DDR2: variants seen among roughly 807,000 people sequenced by gnomAD.
DDR2 encodes the protein discoidin domain-containing receptor 2.
In DDR2, 27 loss-of-function variants were observed where a neutral mutation model predicts 94.9. That is an observed-to-expected ratio of 0.28 (90% CI 0.21 to 0.39). DDR2 has a LOEUF of 0.39. Among genes scored for constraint, DDR2 ranks in the 10% least tolerant of loss-of-function variants. The pLI is 1.00. For missense variants in DDR2, 783 were observed against 1,076.0 expected (o/e 0.73, Z 3.81); for synonymous variants, 382 against 377.2 (o/e 1.01, Z -0.15).
chr1:162,737,435 T>C (rs1393460994), intron 3 of DDR2, among the ~76,000 whole-genome samples: 1 of 135,256 alleles, frequency 7.4e-6, no homozygotes, highest in Non-Finnish European at 1.6e-5. Context: ...TGCAATAGTT[T>C]ACTGAGAATG....
chr1:162,670,353 G>A (rs549846948), intron 2 of DDR2, among the ~76,000 whole-genome samples: 10 of 152,158 alleles, frequency 6.6e-5, no homozygotes, highest in African/African-American at 1.4e-4. Context: ...TGATCTGCCT[G>A]CCTTGGCCTC....
chr1:162,770,388 A>G lies in DDR2; in HGVS notation c.1380A>G (p.Ser460=), dbSNP rs758703433. 6.2e-7 allele frequency: 1 copy of G among 1,614,050 alleles called. No homozygotes were observed. Among genetic ancestry groups the G allele is most frequent in the South Asian group, 1.1e-5 (1 of 91,064 alleles). The change falls in exon 12 of 18, where the codon TCA becomes TCG. Residue 460 remains serine (S), a synonymous_variant. Coordinates refer to ENST00000367921, the MANE Select transcript of DDR2 (RefSeq NM_006182.4). ...GCATGTTCAACAATAACCGCTCCTCATCACCTAGTGAACAAGGGTCCAACT... is the reference window on the plus strand; with the variant it reads ...GCATGTTCAACAATAACCGCTCCTCGTCACCTAGTGAACAAGGGTCCAACT... ...DSSMFNNNRS[S]SPSEQGSNST... is the part of the protein sequence containing the mutation.
chr1:162,662,418 G>T (rs569713754), intron 2 of DDR2, among the ~76,000 whole-genome samples: 7 of 152,264 alleles, frequency 4.6e-5, no homozygotes, highest in Admixed American at 4.6e-4. Context: ...CTGCAGGTTA[G>T]GTTGGACATT....
intron 10 of DDR2, among the ~76,000 whole-genome samples, chr1:162,766,951 C>A (rs1190229921): frequency 6.6e-6 from 1 of 151,456 alleles, no homozygotes; most frequent in Non-Finnish European, 1.5e-5. Context: ...ATTGCTTGAA[C>A]CTGGGAGGGG....
chr1:162,775,601 G>C (rs764818766), intron 14 of DDR2, 51 bp from the exon 15 acceptor site: 5 of 1,597,930 alleles, frequency 3.1e-6, no homozygotes, highest in Admixed American at 1.7e-5. Context: ...TCTCTCTCTT[G>C]ATTCTGACTC....
chr1:162,779,653 G>C (rs1322457592), intron 17 of DDR2, among the ~76,000 whole-genome samples: 1 of 152,142 alleles, frequency 6.6e-6, no homozygotes, highest in African/African-American at 2.4e-5. Context: ...TAGCTATCTT[G>C]GTTATGAGGC....
At position 162,740,470 on chromosome 1, in the gene DDR2, G is replaced by A. The variant is rs964929158; in HGVS notation, c.83-12625G>A. Among the ~76,000 whole-genome samples the A allele has an allele frequency of 7.2e-5, 11 of 152,162 alleles. 1 individual carries two copies. Among genetic ancestry groups the A allele is most frequent in the Non-Finnish European group, 7.4e-5 (5 of 68,018 alleles). On this transcript the variant is annotated intron_variant, in intron 3 of 17. Transcript: ENST00000367921. ...CCTCAAGTTTACCTTTGCATTTGCT[G>A]TTCCCCTTGCATAAACCATCATCCC...
At chr1:162,695,162 C>T (rs1000212228) in intron 2 of DDR2, among the ~76,000 whole-genome samples, 1 of 152,098 alleles carries the variant, frequency 6.6e-6, no homozygotes, top group Non-Finnish European at 1.5e-5. Context: ...ATTACAGTCC[C>T]TTCATATAGA....
intron 2 of DDR2, among the ~76,000 whole-genome samples, chr1:162,663,710 CTGG>C: frequency 6.6e-6 from 1 of 152,162 alleles, no homozygotes. Flanking sequence ...ACACAAGAGG[CTGG>C]TGACTCAGCT....
chr1:162,635,567 T>C (rs1245741831), intron 1 of DDR2, among the ~76,000 whole-genome samples: 1 of 152,188 alleles, frequency 6.6e-6, no homozygotes, highest in Non-Finnish European at 1.5e-5. Context: ...CTGGACTCTT[T>C]ATACCTCTTG....
At position 162,781,172 on chromosome 1, in the gene DDR2, T is replaced by TTGATGTTTTGATAA. The variant is rs1647884802; in HGVS notation, c.*926_*927insTGATGTTTTGATAA. The stretch of plus-strand genomic sequence containing the variant: ...ATCAGTAAAGTCTGATGTTTTGATA[T>TTGATGTTTTGATAA]CTTGATGTTTTGATGGTAGACTCTT... On this transcript the variant is annotated 3_prime_UTR_variant, in exon 18 of 18. Transcript: ENST00000367921. The TTGATGTTTTGATAA allele has an allele frequency of 6.6e-6, 1 of 152,192 alleles. No homozygotes were observed. Among genetic ancestry groups the TTGATGTTTTGATAA allele is most frequent in the East Asian group, 1.9e-4 (1 of 5,188 alleles). 9.4% of individuals were successfully genotyped at this position (152,192 alleles called of 1,614,324 possible).
intron 1 of DDR2, among the ~76,000 whole-genome samples, chr1:162,644,489 C>A (rs1013739205): frequency 6.6e-6 from 1 of 152,174 alleles, no homozygotes; most frequent in African/African-American, 2.4e-5. Flanking sequence ...ATTAGGAAAA[C>A]ATATCCACCA....
chr1:162,682,260 C>T (rs1274009512), intron 2 of DDR2, among the ~76,000 whole-genome samples: 2 of 152,174 alleles, frequency 1.3e-5, no homozygotes, highest in East Asian at 3.9e-4. Context: ...CAGGGACTTT[C>T]CCCCAGTCAC....
At chr1:162,714,647 T>C (rs1047753505) in intron 2 of DDR2, among the ~76,000 whole-genome samples, 3 of 152,198 alleles carry the variant, frequency 2.0e-5, no homozygotes, top group African/African-American at 7.2e-5. Flanking sequence ...CTAGAACAGC[T>C]CTCATTCCCT....
intron 9 of DDR2, among the ~76,000 whole-genome samples, chr1:162,762,933 A>G (rs1663813919): frequency 2.6e-5 from 4 of 152,010 alleles, no homozygotes; most frequent in Admixed American, 2.0e-4. Context: ...GCCTCCCGGG[A>G]TCGAGTGATT....
At chr1:162,638,862 G>A (rs757781161) in intron 1 of DDR2, among the ~76,000 whole-genome samples, 1 of 152,042 alleles carries the variant, frequency 6.6e-6, no homozygotes, top group Non-Finnish European at 1.5e-5. Flanking sequence ...ACATAATAAC[G>A]CTAAAATAGT....
At chr1:162,702,647 AT>A (rs1179051204) in intron 2 of DDR2, among the ~76,000 whole-genome samples, 3 of 152,186 alleles carry the variant, frequency 2.0e-5, no homozygotes, top group Non-Finnish European at 1.5e-5. Context: ...GCTACAGTAT[AT>A]TTATTGTCTA....
At chr1:162,643,267 C>T (rs1276891548) in intron 1 of DDR2, among the ~76,000 whole-genome samples, 1 of 152,090 alleles carries the variant, frequency 6.6e-6, no homozygotes, top group Non-Finnish European at 1.5e-5. Flanking sequence ...AGTTCCACCT[C>T]TAGGTTTCCA....
At chr1:162,709,276 A>G (rs750138113) in intron 2 of DDR2, among the ~76,000 whole-genome samples, 6 of 152,224 alleles carry the variant, frequency 3.9e-5, no homozygotes, top group African/African-American at 7.2e-5. Flanking sequence ...AATCTGGTTT[A>G]AAGAAACCAG....
Sources: gnomAD v4.1 joint callset for allele counts (sites outside exome capture counted in the v4.1 genomes callset) on GRCh38, gnomAD v4.1.1 for gene constraint, MANE v1.5 for transcripts, NCBI Gene and HGNC (gene_info 2026-07-23, HGNC 2026-07-21) for gene names.